GALNT13: variants seen among roughly 807,000 people sequenced by gnomAD.
GALNT13 encodes UDP-GalNAc:polypeptide N-acetylgalactosaminyltransferase 13.
In GALNT13, 28 loss-of-function variants were observed where a neutral mutation model predicts 64.2. That is an observed-to-expected ratio of 0.44 (90% CI 0.32 to 0.60). The LOEUF (loss-of-function observed/expected upper bound fraction) is 0.60. Among genes scored for constraint, GALNT13 ranks in the 20% least tolerant of loss-of-function variants. The probability of loss-of-function intolerance (pLI) is 0.05; values close to 1 mark genes in which losing one functional copy is unlikely to be tolerated. For missense variants in GALNT13, 577 were observed against 669.8 expected, an observed-to-expected ratio of 0.86 and a Z score of 1.53; for synonymous variants, 214 against 224.6, an observed-to-expected ratio of 0.95 and a Z score of 0.42.
the GALNT13 span, among the ~76,000 whole-genome samples, chr2:153,247,472 G>C: frequency 6.6e-6 from 1 of 152,024 alleles, no homozygotes; most frequent in Non-Finnish European, 1.5e-5. Context: ...TAGAACTCAG[G>C]GTTAAGAAAC....
the GALNT13 span, among the ~76,000 whole-genome samples, chr2:153,848,951 A>C: frequency 6.9e-6 from 1 of 145,266 alleles, no homozygotes; most frequent in Non-Finnish European, 1.5e-5. Flanking sequence ...ATAATACAGC[A>C]AAATCTTGAT....
chr2:153,079,587 CA>C, the GALNT13 span, among the ~76,000 whole-genome samples: 1 of 152,164 alleles, frequency 6.6e-6, no homozygotes, highest in Non-Finnish European at 1.5e-5. Context: ...TCAGGGAAAT[CA>C]GGACGGCTTA....
At chr2:154,139,686 A>T (rs953785114) in intron 3 of GALNT13, among the ~76,000 whole-genome samples, 3 of 151,558 alleles carry the variant, frequency 2.0e-5, no homozygotes, top group African/African-American at 7.3e-5. Context: ...TCTAGAAGGG[A>T]CTTTAGTGTA....
At chr2:153,790,106 C>A in the GALNT13 span, among the ~76,000 whole-genome samples, 1 of 152,052 alleles carries the variant, frequency 6.6e-6, no homozygotes, top group Admixed American at 6.5e-5. Flanking sequence ...ACCGTGATAC[C>A]AAACCCTGGC....
At chr2:153,431,927 G>C in the GALNT13 span, among the ~76,000 whole-genome samples, 11 of 152,118 alleles carry the variant, frequency 7.2e-5, no homozygotes, top group Admixed American at 6.6e-4. Context: ...TCTCCCTCAA[G>C]TATTGCAGCT....
intron 4 of GALNT13, among the ~76,000 whole-genome samples, chr2:154,152,555 C>T (rs1389860316): frequency 6.6e-6 from 1 of 152,140 alleles, no homozygotes; most frequent in Non-Finnish European, 1.5e-5. Flanking sequence ...CACCCCGTCA[C>T]TTTCAGGTAC....
intron 8 of GALNT13, among the ~76,000 whole-genome samples, chr2:154,276,943 C>G (rs1422302950): frequency 2.0e-5 from 3 of 152,178 alleles, no homozygotes; most frequent in African/African-American, 4.8e-5. Flanking sequence ...CTAAGGCCTT[C>G]CCAGCCATGC....
chr2:153,199,946 A>T, the GALNT13 span, among the ~76,000 whole-genome samples: 1 of 152,212 alleles, frequency 6.6e-6, no homozygotes, highest in East Asian at 1.9e-4. Flanking sequence ...AAGAAACAAG[A>T]TCTATGTTCA....
the GALNT13 span, among the ~76,000 whole-genome samples, chr2:153,681,534 C>T: frequency 1.3e-5 from 2 of 151,700 alleles, no homozygotes; most frequent in African/African-American, 4.8e-5. Flanking sequence ...AAGACATGAA[C>T]AGAATTTTAA....
intron 2 of GALNT13, among the ~76,000 whole-genome samples, chr2:153,906,902 C>T (rs1434155414): frequency 2.7e-5 from 4 of 150,470 alleles, no homozygotes; most frequent in Non-Finnish European, 6.0e-5. Context: ...TCCTCTCCAG[C>T]ACCTGTTGTT....
chr2:153,200,432 T>C, the GALNT13 span, among the ~76,000 whole-genome samples: 3 of 152,086 alleles, frequency 2.0e-5, no homozygotes, highest in African/African-American at 7.2e-5. Context: ...CTAAGACAAA[T>C]AGTAGTGTGA....
At chr2:153,875,902 A>G (rs1351093515) in intron 1 of GALNT13, among the ~76,000 whole-genome samples, 1 of 152,176 alleles carries the variant, frequency 6.6e-6, no homozygotes, top group Non-Finnish European at 1.5e-5. Context: ...CTTGCAACAA[A>G]CAACACATTC....
At chr2:153,228,262 T>C in the GALNT13 span, among the ~76,000 whole-genome samples, 1 of 152,190 alleles carries the variant, frequency 6.6e-6, no homozygotes, top group Non-Finnish European at 1.5e-5. Context: ...GACTCATAAA[T>C]TAAGAGGATT....
chr2:154,071,363 G>T (rs965568074), intron 3 of GALNT13, among the ~76,000 whole-genome samples: 2 of 152,114 alleles, frequency 1.3e-5, no homozygotes, highest in African/African-American at 4.8e-5. Flanking sequence ...TACAGCATGT[G>T]TAACAACTAC....
the GALNT13 span, among the ~76,000 whole-genome samples, chr2:153,480,230 T>G: frequency 6.6e-6 from 1 of 152,242 alleles, no homozygotes. Flanking sequence ...TTCTGTTTGC[T>G]TGGTAAATCC....
chr2:154,033,505 A>T (rs906533446), intron 3 of GALNT13, among the ~76,000 whole-genome samples: 3 of 152,134 alleles, frequency 2.0e-5, no homozygotes, highest in African/African-American at 7.2e-5. Flanking sequence ...ATGAATAAAA[A>T]ATTAACAGGT....
chr2:153,630,785 ATATATATATATATATATATATATTTTT>A, the GALNT13 span, among the ~76,000 whole-genome samples: 4 of 10,418 alleles, frequency 3.8e-4, no homozygotes, highest in Admixed American at 1.1e-3. Flanking sequence ...ATATATATAT[ATATATATATATATATATATATATTTTT>A]TTTTTTTTTT....
At chr2:153,154,399 T>C in the GALNT13 span, among the ~76,000 whole-genome samples, 72 of 152,290 alleles carry the variant, frequency 4.7e-4, 1 homozygote, top group East Asian at 0.011. Flanking sequence ...TAAGTCTCTT[T>C]TTCTTTATAA....
the GALNT13 span, among the ~76,000 whole-genome samples, chr2:153,856,935 GAACTACTGC>G: frequency 1.3e-5 from 2 of 152,104 alleles, no homozygotes; most frequent in African/African-American, 4.8e-5. Flanking sequence ...CACTGAAAAT[GAACTACTGC>G]AACATATGGA....
Sources: gnomAD v4.1 joint callset for allele counts (sites outside exome capture counted in the v4.1 genomes callset) on GRCh38, gnomAD v4.1.1 for gene constraint, MANE v1.5 for transcripts, NCBI Gene and HGNC (gene_info 2026-07-23, HGNC 2026-07-21) for gene names.